The following SNX29 variants were observed in gnomAD, a reference collection of about 807,000 sequenced individuals.
The protein encoded by SNX29 is sorting nexin-29.
A neutral mutation model predicts 102.1 loss-of-function variants in SNX29; 78 were observed. That is an observed-to-expected ratio of 0.76 (90% CI 0.64 to 0.92). The LOEUF (loss-of-function observed/expected upper bound fraction) is 0.92, where lower values mean the gene tolerates loss of function less well. Ranked by LOEUF, SNX29 falls within the 40% of genes least tolerant of loss-of-function variation. The pLI, the probability that SNX29 is intolerant of heterozygous loss-of-function variation, is 0.00. For synonymous variants in SNX29, 580 were observed against 414.5 expected (o/e 1.40, Z -4.85); for missense variants, 1,280 against 1,061.7 (o/e 1.21, Z -2.86).
At chr16:12,139,221 A>G (rs912617270) in intron 13 of SNX29, among the ~76,000 whole-genome samples, 23 of 130,592 alleles carry the variant, frequency 1.8e-4, no homozygotes, top group Admixed American at 1.4e-3. Context: ...AAAAAAAAAA[A>G]AGGGAGGAAG....
At chr16:12,236,574 G>A (rs1047436799) in intron 14 of SNX29, among the ~76,000 whole-genome samples, 10 of 152,168 alleles carry the variant, frequency 6.6e-5, no homozygotes, top group African/African-American at 2.2e-4. Flanking sequence ...GAAAGACTCT[G>A]TGGGTCCATT....
At chr16:12,431,463 T>G (rs531622701) in intron 18 of SNX29, among the ~76,000 whole-genome samples, 2 of 151,392 alleles carry the variant, frequency 1.3e-5, no homozygotes, top group South Asian at 2.1e-4. Flanking sequence ...TGTTTTTTTG[T>G]TTTTTTTGCA....
intron 18 of SNX29, among the ~76,000 whole-genome samples, chr16:12,441,492 T>C (rs773259041): frequency 1.3e-5 from 2 of 152,246 alleles, no homozygotes; most frequent in Admixed American, 6.5e-5. Flanking sequence ...TCCCCATTTA[T>C]GGCTGTTACG....
rs995416883 is a variant in SNX29, at chr16:12,013,233, A to G, written c.122+10190A>G. ...AAAGCCAAATAGCCAGCAAACATATATTAGGAAAATAAAGACACCGAAATT... is the reference window on the plus strand; with the variant it reads ...AAAGCCAAATAGCCAGCAAACATATGTTAGGAAAATAAAGACACCGAAATT... On this transcript the variant is annotated intron_variant, in intron 3 of 20. Coordinates refer to ENST00000566228, the MANE Select transcript of SNX29 (RefSeq NM_032167.5). 5.9e-5 allele frequency among the ~76,000 whole-genome samples: 9 copies of G among 151,714 alleles called. 1 individual carries two copies. The highest frequency in any genetic ancestry group is 3.3e-4 in the Admixed American group (5 of 15,142).
rs1460612193 is a variant in SNX29, at chr16:12,570,585, G to A, written c.*1956G>A. ...GTCTCAGGAGTGCCTCCCTGGCCTG[G>A]GTAGCTACCCTGGAGGTCATCTCCC... On this transcript the variant is annotated 3_prime_UTR_variant, in exon 21 of 21. Transcript: ENST00000566228. The A allele has an allele frequency of 4.3e-6, 1 of 232,024 alleles. No homozygotes were observed. Among genetic ancestry groups the A allele is most frequent in the Non-Finnish European group, 8.5e-6 (1 of 117,410 alleles). The allele number at this position is 232,024 out of a possible 1,614,324, so 14.4% of individuals were successfully genotyped here. A position where few individuals can be genotyped will look rare whatever the true frequency, so the allele number is the denominator to read the frequency against.
intron 17 of SNX29, among the ~76,000 whole-genome samples, chr16:12,401,079 C>G (rs1422983711): frequency 6.6e-6 from 1 of 152,096 alleles, no homozygotes; most frequent in Non-Finnish European, 1.5e-5. Flanking sequence ...GATCCGCCTA[C>G]CTCGGCCTCC....
chr16:12,439,997 G>C (rs1234784825), intron 18 of SNX29, among the ~76,000 whole-genome samples: 1 of 152,200 alleles, frequency 6.6e-6, no homozygotes, highest in Non-Finnish European at 1.5e-5. Flanking sequence ...GCCCAACTCT[G>C]CCTCCTGGAA....
At chr16:12,359,772 A>G (rs1464900581) in intron 16 of SNX29, among the ~76,000 whole-genome samples, 2 of 152,248 alleles carry the variant, frequency 1.3e-5, no homozygotes, top group East Asian at 1.9e-4. Context: ...TAAATACCCA[A>G]TATTTACTGC....
chr16:12,222,861 G>A (rs762457930), intron 14 of SNX29, among the ~76,000 whole-genome samples: 8 of 152,062 alleles, frequency 5.3e-5, no homozygotes, highest in Non-Finnish European at 1.0e-4. Flanking sequence ...AAGCCACGAC[G>A]CCCAGCCTGC....
At chr16:12,458,322 T>A (rs1362860382) in intron 18 of SNX29, among the ~76,000 whole-genome samples, 1 of 152,066 alleles carries the variant, frequency 6.6e-6, no homozygotes, top group Non-Finnish European at 1.5e-5. Context: ...GGGACAGGTC[T>A]CCATAACACT....
intron 11 of SNX29, among the ~76,000 whole-genome samples, chr16:12,108,438 G>T (rs181153): frequency 0.21 from 31,655 of 152,146 alleles, 4,340 homozygotes; most frequent in African/African-American, 0.39. Context: ...ACCAGAAGGT[G>T]TCACGGCACC....
chr16:12,364,413 C>T (rs1432949069), intron 16 of SNX29, among the ~76,000 whole-genome samples: 2 of 110,084 alleles, frequency 1.8e-5, no homozygotes, highest in Admixed American at 8.3e-5. Flanking sequence ...TTTCTCTCTT[C>T]TTCTTTTTTT....
intron 11 of SNX29, among the ~76,000 whole-genome samples, chr16:12,094,115 G>A (rs570210449): frequency 6.6e-6 from 1 of 152,270 alleles, no homozygotes; most frequent in African/African-American, 2.4e-5. Context: ...GTGCCTCAGC[G>A]TTCTCGTCTA....
chr16:12,231,405 A>G (rs1426935210), intron 14 of SNX29, among the ~76,000 whole-genome samples: 1 of 152,142 alleles, frequency 6.6e-6, no homozygotes, highest in Admixed American at 6.5e-5. Context: ...TACCCCACTT[A>G]ATCGTCTATC....
chr16:12,539,020 A>G (rs1486440967), intron 20 of SNX29, among the ~76,000 whole-genome samples: 2 of 152,244 alleles, frequency 1.3e-5, no homozygotes, highest in African/African-American at 4.8e-5. Flanking sequence ...AAAACCATCC[A>G]TGAATCCAGA....
Position 12,571,291 on chromosome 16 carries a change from C to A in SNX29, c.*2662C>A, listed in dbSNP as rs1013723010. On this transcript the variant is annotated 3_prime_UTR_variant, in exon 21 of 21. Transcript: ENST00000566228. ...GTGGCTGAAACCTGGTGCCCAAATT[C>A]CACACCCTGGAAATGTGTCAACTGC... 1.3e-5 allele frequency: 3 copies of A among 232,030 alleles called. No homozygotes were observed. Among genetic ancestry groups the A allele is most frequent in the Non-Finnish European group, 2.6e-5 (3 of 117,372 alleles). 14.4% of individuals were successfully genotyped at this position (232,030 alleles called of 1,614,324 possible). A position where few individuals can be genotyped will look rare whatever the true frequency, so the allele number is the denominator to read the frequency against.
At chr16:12,482,895 C>G (rs1313961805) in intron 19 of SNX29, among the ~76,000 whole-genome samples, 2 of 152,196 alleles carry the variant, frequency 1.3e-5, no homozygotes, top group East Asian at 1.9e-4. Context: ...CAGCATTTGT[C>G]TTTACCAAAG....
intron 18 of SNX29, among the ~76,000 whole-genome samples, chr16:12,467,462 C>T (rs2087107646): frequency 6.6e-6 from 1 of 152,154 alleles, no homozygotes. Flanking sequence ...CCATCAGGCA[C>T]ATGCACAGAC....
chr16:12,545,097 G>A (rs916164324), intron 20 of SNX29, among the ~76,000 whole-genome samples: 1 of 152,180 alleles, frequency 6.6e-6, no homozygotes, highest in Non-Finnish European at 1.5e-5. Flanking sequence ...ATCAGACCCA[G>A]GCTGCAGTAG....
Sources: allele counts gnomAD v4.1 joint callset (sites outside exome capture counted in the v4.1 genomes callset), GRCh38; gene constraint gnomAD v4.1.1; transcripts MANE v1.5; gene names NCBI Gene and HGNC (gene_info 2026-07-23, HGNC 2026-07-21).